The following COPA variants were observed in gnomAD, a reference collection of about 807,000 sequenced individuals.
COPA encodes the protein coatomer subunit alpha.
A neutral mutation model predicts 158.7 loss-of-function variants in COPA; 10 were observed. That is an observed-to-expected ratio of 0.06 (90% CI 0.04 to 0.11). COPA has a LOEUF of 0.11. Among genes scored for constraint, COPA ranks in the 10% least tolerant of loss-of-function variants. The probability of loss-of-function intolerance (pLI) is 1.00; values close to 1 mark genes in which losing one functional copy is unlikely to be tolerated. For synonymous variants in COPA, 462 were observed against 542.8 expected (o/e 0.85, Z 2.07); for missense variants, 1,065 against 1,536.7 (o/e 0.69, Z 5.13).
intron 25 of COPA, among the ~76,000 whole-genome samples, chr1:160,294,071 T>C (rs1381137120): frequency 6.6e-6 from 1 of 152,326 alleles, no homozygotes; most frequent in Admixed American, 6.5e-5. Flanking sequence ...AGATTAGAGA[T>C]AAGTCCTACA....
Position 160,306,382 on chromosome 1 carries a change from T to C in COPA, c.1414A>G (p.Ile472Val), listed in dbSNP as rs1307001526. Residue 472 changes from isoleucine (I) to valine (V), a missense_variant, in exon 15 of 33, where the codon ATC becomes GTC. Coordinates refer to ENST00000241704, the MANE Select transcript of COPA (RefSeq NM_004371.4). ...TTCTGCTGTACGTCAAAGAGTGTGA[T>C]AGAGTCCGCATCTCGAAGCAGGAGA... is the stretch of plus-strand genomic sequence containing the variant. ...GNLLLRDADS[I>V]TLFDVQQKRT... 8.7e-6 allele frequency: 14 copies of C among 1,612,350 alleles called. No homozygotes were observed. Among genetic ancestry groups the C allele is most frequent in the South Asian group, 3.3e-5 (3 of 90,774 alleles).
intron 8 of COPA, among the ~76,000 whole-genome samples, chr1:160,314,435 C>A (rs1048288400): frequency 1.1e-4 from 16 of 152,080 alleles, no homozygotes; most frequent in Non-Finnish European, 2.2e-4. Flanking sequence ...TCGAGATCAG[C>A]CTGGGCAACA....
intron 3 of COPA, among the ~76,000 whole-genome samples, chr1:160,338,949 C>T (rs1270725502): frequency 6.6e-6 from 1 of 152,208 alleles, no homozygotes; most frequent in South Asian, 2.1e-4. Flanking sequence ...GACACCTCAA[C>T]TAGACTGTCC....
chr1:160,341,090 C>A (rs1233443260), intron 1 of COPA, among the ~76,000 whole-genome samples: 1 of 152,160 alleles, frequency 6.6e-6, no homozygotes, highest in African/African-American at 2.4e-5. Context: ...AATGTATGAA[C>A]CTTTGTTTCA....
intron 17 of COPA, 138 bp downstream of exon 17, chr1:160,305,295 G>T: frequency 1.4e-6 from 1 of 726,090 alleles, no homozygotes; most frequent in Non-Finnish European, 2.3e-6. Context: ...AGAATGTTCT[G>T]ATGCCCCTTG....
intron 3 of COPA, chr1:160,339,349 ATATAAATCTGG>A (rs1647931960): frequency 6.6e-6 from 1 of 152,214 alleles, no homozygotes; most frequent in South Asian, 2.1e-4. Context: ...TTTTAAAAAC[ATATAAATCTGG>A]TATCACTCCT....
chr1:160,305,873 T>G (rs1571158776), intron 15 of COPA, 100 bp from the exon 16 acceptor site: 1 of 909,566 alleles, frequency 1.1e-6, no homozygotes, highest in East Asian at 2.4e-5. Context: ...TAAACCCCAA[T>G]TTCTTAATGT....
At chr1:160,299,054 AAG>A (rs113490290) in intron 18 of COPA, 46 bp downstream of exon 18, 4 of 1,605,158 alleles carry the variant, frequency 2.5e-6, no homozygotes, top group Non-Finnish European at 3.4e-6. Flanking sequence ...GAAAAAAAAA[AAG>A]AGTGCTGCCT....
intron 14 of COPA, among the ~76,000 whole-genome samples, chr1:160,306,735 C>T (rs1658796735): frequency 6.6e-6 from 1 of 152,186 alleles, no homozygotes; most frequent in South Asian, 2.1e-4. Flanking sequence ...GTCTGAATTT[C>T]TCAATGAATG....
In COPA at chr1:160,332,469, C is replaced by G; in HGVS notation, c.475G>C (p.Val159Leu). 1.2e-6 allele frequency: 2 copies of G among 1,612,660 alleles called. No homozygotes were observed. The highest frequency in any genetic ancestry group is 1.7e-4 in the Middle Eastern group (1 of 6,048). ...TCACCAGAAATATCCCAAACGCGCA[C>G]AGTCTGGTCCAGGCTGGCTGATACT... Reference protein sequence around the residue: ...LVVSASLDQTVRVWDISGLRK... With the variant: ...LVVSASLDQTLRVWDISGLRK... The change falls in exon 6 of 33, where the codon GTG becomes CTG. Residue 159 changes from valine to leucine, a missense_variant. Physicochemically the swap from Val to Leu is conservative, Grantham distance 32 (BLOSUM62 1). Coordinates refer to ENST00000241704, the MANE Select transcript of COPA (RefSeq NM_004371.4).
intron 8 of COPA, among the ~76,000 whole-genome samples, chr1:160,320,176 C>A (rs2101855821): frequency 6.6e-6 from 1 of 152,112 alleles, no homozygotes; most frequent in African/African-American, 2.4e-5. Flanking sequence ...TAAATAAAAT[C>A]AGAAATGAGA....
chr1:160,290,319 G>T, intron 32 of COPA, 103 bp from the exon 33 acceptor site: 3 of 1,426,674 alleles, frequency 2.1e-6, no homozygotes, highest in African/African-American at 1.4e-5. Flanking sequence ...GACAGGTATT[G>T]GGGTGTTCAT....
At position 160,332,654 on chromosome 1, in the gene COPA, G is replaced by A. The variant is rs4656897; in HGVS notation, c.387-97C>T. ...TCCATATTCAATAAATGCTTATCCA[G>A]TTTTACTTTTATGGAGACAAAGGCA... On this transcript the variant is annotated intron_variant, in intron 5 of 32. Transcript: ENST00000241704. 0.58 allele frequency: 437,162 copies of A among 752,042 alleles called. 131,743 individuals are homozygous for A. The highest frequency in any genetic ancestry group is 0.86 in the African/African-American group (48,800 of 56,570). The allele number at this position is 752,042 out of a possible 1,614,324, so 46.6% of individuals were successfully genotyped here. A position where few individuals can be genotyped will look rare whatever the true frequency, so the allele number is the denominator to read the frequency against.
chr1:160,324,112 C>T (rs968088388), intron 7 of COPA, among the ~76,000 whole-genome samples: 3 of 152,096 alleles, frequency 2.0e-5, no homozygotes, highest in Admixed American at 6.6e-5. Context: ...TCACTTGCCT[C>T]GGCCTCCCAC....
At chr1:160,319,466 C>CA (rs1356579953) in intron 8 of COPA, among the ~76,000 whole-genome samples, 4 of 150,202 alleles carry the variant, frequency 2.7e-5, no homozygotes, top group African/African-American at 9.8e-5. Flanking sequence ...CTCTCAAAAA[C>CA]AGACAGATCA....
chr1:160,327,389 T>C (rs1401171473), intron 6 of COPA, among the ~76,000 whole-genome samples: 3 of 144,384 alleles, frequency 2.1e-5, no homozygotes, highest in Non-Finnish European at 4.5e-5. Flanking sequence ...ATACAAAAAT[T>C]AGTCGGGCAT....
At chr1:160,312,376 A>C (rs1477427345) in intron 10 of COPA, among the ~76,000 whole-genome samples, 4 of 152,218 alleles carry the variant, frequency 2.6e-5, no homozygotes, top group Non-Finnish European at 4.4e-5. Context: ...TATAATTTCC[A>C]TCCTTCCCCA....
intron 3 of COPA, among the ~76,000 whole-genome samples, chr1:160,337,036 G>T (rs771437503): frequency 2.0e-5 from 3 of 152,142 alleles, no homozygotes; most frequent in Non-Finnish European, 4.4e-5. Flanking sequence ...TATTCAATCA[G>T]CTACATATAA....
chr1:160,342,431 T>G (rs1648120243), intron 1 of COPA, among the ~76,000 whole-genome samples: 2 of 152,072 alleles, frequency 1.3e-5, no homozygotes, highest in East Asian at 3.8e-4. Context: ...CGACCCACAC[T>G]CGAGCTCTAG....
Sources: gnomAD v4.1 joint callset for allele counts (sites outside exome capture counted in the v4.1 genomes callset) on GRCh38, gnomAD v4.1.1 for gene constraint, MANE v1.5 for transcripts, NCBI Gene and HGNC (gene_info 2026-07-23, HGNC 2026-07-21) for gene names.